Variants in POLR2F observed in about 807,000 individuals in gnomAD.
POLR2F encodes the protein RNA polymerase II, I and III subunit F.
A neutral mutation model predicts 22.7 loss-of-function variants in POLR2F; 12 were observed. The ratio of observed to expected loss-of-function variants is 0.53; its 90% confidence interval spans 0.34 to 0.86. The LOEUF (loss-of-function observed/expected upper bound fraction) is 0.86. Among genes scored for constraint, POLR2F ranks in the 40% least tolerant of loss-of-function variants. The pLI, the probability that POLR2F is intolerant of heterozygous loss-of-function variation, is 0.02. For missense variants in POLR2F, 126 were observed against 171.5 expected, an observed-to-expected ratio of 0.73 and a Z score of 1.48; for synonymous variants, 57 against 66.0, an observed-to-expected ratio of 0.86 and a Z score of 0.66.
chr22:37,987,865 C>T (rs1932627252), intron 1 of POLR2F: 2 of 157,096 alleles, frequency 1.3e-5, no homozygotes, highest in African/African-American at 4.8e-5. Flanking sequence ...CAGGGCCTGG[C>T]TTGCGGATAC....
At position 38,025,528 on chromosome 22, in the gene POLR2F, G is replaced by A. The variant is rs559952512; in HGVS notation, c.121-341G>A. On this transcript the variant is annotated intron_variant, in intron 1 of 2. Coordinates refer to the POLR2F transcript ENST00000333418. The stretch of plus-strand genomic sequence containing the variant: ...CCCAACATTCACAAATTCCCTGATC[G>A]TCCCCCTCGTTTGCCTGTCCACGCC... 7.1e-4 allele frequency: 1,004 copies of A among 1,422,266 alleles called. 9 individuals are homozygous for A. Among genetic ancestry groups the A allele is most frequent in the Middle Eastern group, 5.6e-4 (3 of 5,402 alleles). 88.1% of individuals were successfully genotyped at this position (1,422,266 alleles called of 1,614,324 possible). A position where few individuals can be genotyped will look rare whatever the true frequency, so the allele number is the denominator to read the frequency against.
chr22:37,964,882 G>C (rs533355116), intron 3 of POLR2F, among the ~76,000 whole-genome samples: 1 of 152,066 alleles, frequency 6.6e-6, no homozygotes, highest in African/African-American at 2.4e-5. Flanking sequence ...CAAGTGTCCT[G>C]TTTTTCTTGG....
chr22:38,040,005 G>A (rs187418949), intron 5 of POLR2F, among the ~76,000 whole-genome samples: 73 of 152,296 alleles, frequency 4.8e-4, no homozygotes, highest in Admixed American at 1.1e-3. Flanking sequence ...CAGGTGTGGT[G>A]GCTCACACCT....
rs1047925044 is a variant in POLR2F, at chr22:37,969,053, C to T, written c.*1338C>T. ...CAGAGTGCGGGGGTCACTTTCTCGG[C>T]CCCATTTCTCTAAATGGTCTCTTTG... On this transcript the variant is annotated 3_prime_UTR_variant, in exon 5 of 5. Transcript: ENST00000442738. The T allele has an allele frequency of 7.1e-6, 7 of 985,326 alleles. No homozygotes were observed. In the Admixed American group the frequency reaches 1.8e-4, roughly 26 times the overall value. The allele number at this position is 985,326 out of a possible 1,614,324, so 61.0% of individuals were successfully genotyped here.
rs1601908661 is a variant in POLR2F, at chr22:38,015,448, G to C, written c.121-10421G>C. Among the ~76,000 whole-genome samples the C allele has an allele frequency of 4.6e-5, 7 of 152,310 alleles. No homozygotes were observed. The South Asian group carries it at 1.5e-3, about 32-fold the overall frequency. On this transcript the variant is annotated intron_variant, in intron 1 of 2. Transcript: ENST00000333418. ...GAACTAACTGGACTCGATGTGATCT[G>C]GGGGAAGGAAGACAGGCTGAGACCT...
intron 2 of POLR2F, 103 bp downstream of exon 2, chr22:37,956,945 G>C (rs758388823): frequency 2.3e-4 from 203 of 890,568 alleles, no homozygotes; most frequent in East Asian, 2.0e-4. Flanking sequence ...TGTGGTCAAG[G>C]CCCCTGCCAT....
rs1477584373 is a variant in POLR2F at position 38,016,768 on chromosome 22, C to T, written c.121-9101C>T. ...GCGGGAGGGGGCCGCCGTCAATGCC[C>T]GCATTGTCCCCGCGCTTTTTGTTTC... On this transcript the variant is annotated intron_variant, in intron 1 of 2. Coordinates refer to the POLR2F transcript ENST00000333418. The surrounding 1 kb of genome is among the most constrained non-coding windows in gnomAD (Gnocchi z 4.4). Among the ~76,000 whole-genome samples the T allele has an allele frequency of 6.6e-6, 1 of 151,894 alleles. No individual in the cohort carries two copies. The highest frequency in any genetic ancestry group is 6.6e-5 in the Admixed American group (1 of 15,264).
At chr22:37,967,346 G>T in intron 4 of POLR2F, 176 bp downstream of exon 4, 1 of 1,470,280 alleles carries the variant, frequency 6.8e-7, no homozygotes, top group East Asian at 2.5e-5. Context: ...GGCAGGGAAA[G>T]TGGGAGGGCA....
chr22:38,028,611 C>A (rs751779423), downstream of POLR2F, among the ~76,000 whole-genome samples: 1 of 151,852 alleles, frequency 6.6e-6, no homozygotes, highest in African/African-American at 2.4e-5. Flanking sequence ...TGTGTATGCA[C>A]GTGCATGTCT....
chr22:37,956,025 A>G (rs1157023960), intron 1 of POLR2F, among the ~76,000 whole-genome samples: 1 of 151,412 alleles, frequency 6.6e-6, no homozygotes, highest in Admixed American at 6.6e-5. Context: ...TGCTTCCTAC[A>G]TACTGGGCGA....
At chr22:37,999,000 A>G (rs1300723173) in intron 1 of POLR2F, among the ~76,000 whole-genome samples, 1 of 151,906 alleles carries the variant, frequency 6.6e-6, no homozygotes, top group Non-Finnish European at 1.5e-5. Flanking sequence ...CCCCGTCCCT[A>G]CACAAGATGA....
At chr22:37,973,809 G>T, downstream of POLR2F, 1 of 1,598,184 alleles carries the variant, frequency 6.3e-7, no homozygotes, top group Non-Finnish European at 8.6e-7. Context: ...GGCCCCTGGG[G>T]CCCCGCGGTC....
chr22:37,984,703 C>G (rs577175484), upstream of POLR2F, among the ~76,000 whole-genome samples: 7 of 152,308 alleles, frequency 4.6e-5, no homozygotes, highest in East Asian at 1.9e-4. This position sits in a 1 kb window ranked among gnomAD's most constrained non-coding sequence, Gnocchi z 4.4. Flanking sequence ...CAGGCCCCCC[C>G]ACCCAGCTCC....
intron 1 of POLR2F, among the ~76,000 whole-genome samples, chr22:38,000,282 T>C (rs1318808566): frequency 1.3e-5 from 2 of 152,212 alleles, no homozygotes; most frequent in African/African-American, 4.8e-5. Flanking sequence ...CTTATTGTAC[T>C]GACAGGGAGC....
intron 1 of POLR2F, among the ~76,000 whole-genome samples, chr22:38,000,987 C>T (rs764247644): frequency 4.6e-5 from 7 of 151,976 alleles, no homozygotes; most frequent in South Asian, 2.1e-4. Context: ...AGGGTATGAA[C>T]GGAGATGACA....
At chr22:37,991,410 C>T (rs780220918) in intron 1 of POLR2F, among the ~76,000 whole-genome samples, 1 of 152,118 alleles carries the variant, frequency 6.6e-6, no homozygotes. Context: ...TGAGCCACTG[C>T]GCCTGGCCAC....
At position 37,978,286 on chromosome 22, in the gene POLR2F, G is replaced by T; in HGVS notation, c.293+11116G>T. 1.2e-6 allele frequency: 1 copy of T among 807,370 alleles called. No individual in the cohort carries two copies. Among genetic ancestry groups the T allele is most frequent in the Non-Finnish European group, 1.9e-6 (1 of 531,830 alleles). The allele number at this position is 807,370 out of a possible 1,614,324, so 50.0% of individuals were successfully genotyped here. ...GGACAGGACCCGGGGTGGGGGCTGT[G>T]CCCTATGATTTGTGGACTGAGAGAT... On this transcript the variant is annotated intron_variant, in intron 4 of 4. Coordinates refer to the POLR2F transcript ENST00000405557. The surrounding 1 kb of genome is among the most constrained non-coding windows in gnomAD (Gnocchi z 5.0).
In POLR2F at chr22:38,016,834, A is replaced by G. The variant is rs1038066419; in HGVS notation, c.121-9035A>G. Among the ~76,000 whole-genome samples, 6 of 147,216 alleles carry G rather than the reference A, an allele frequency of 4.1e-5. No individual in the cohort carries two copies. Among genetic ancestry groups the G allele is most frequent in the Admixed American group, 2.7e-4 (4 of 14,754 alleles). ...TTGGAATAGAGAGAGAGAGAGAAGG[A>G]AAAAAAAAAAGATACAAGCTGGGGA... On this transcript the variant is annotated intron_variant, in intron 1 of 2. Coordinates refer to the POLR2F transcript ENST00000333418. This position sits in a 1 kb window ranked among gnomAD's most constrained non-coding sequence, Gnocchi z 4.4.
chr22:37,955,339 G>C (rs1931340841), intron 1 of POLR2F, among the ~76,000 whole-genome samples: 2 of 151,588 alleles, frequency 1.3e-5, no homozygotes. Context: ...AGGAGTTCGA[G>C]ACCAGCCTGG....
Sources: allele counts gnomAD v4.1 joint callset (sites outside exome capture counted in the v4.1 genomes callset), GRCh38; gene constraint gnomAD v4.1.1; non-coding constraint Gnocchi (gnomAD v3.1); transcripts MANE v1.5; gene names NCBI Gene and HGNC (gene_info 2026-07-23, HGNC 2026-07-21).